GLCCI1: variants seen among roughly 807,000 people sequenced by gnomAD.
The protein encoded by GLCCI1 is glucocorticoid-induced transcript 1 protein.
A neutral mutation model predicts 52.2 loss-of-function variants in GLCCI1; 24 were observed. The observed-to-expected ratio is 0.46, with a 90% CI of 0.33 to 0.65. GLCCI1 has a LOEUF of 0.65. GLCCI1 is among the 30% of genes least tolerant of loss of function. GLCCI1 has a pLI of 0.02. For missense variants in GLCCI1, 704 were observed against 701.5 expected, an observed-to-expected ratio of 1.00 and a Z score of -0.04; for synonymous variants, 310 against 276.5, an observed-to-expected ratio of 1.12 and a Z score of -1.20.
chr7:7,974,605 A>G (rs950458697), intron 1 of GLCCI1, among the ~76,000 whole-genome samples: 1 of 152,222 alleles, frequency 6.6e-6, no homozygotes, highest in Non-Finnish European at 1.5e-5. Context: ...ACTGGGCTCC[A>G]CAGCAGTGAG....
chr7:7,997,694 G>T (rs879635520), intron 1 of GLCCI1, among the ~76,000 whole-genome samples: 10 of 152,000 alleles, frequency 6.6e-5, no homozygotes, highest in Admixed American at 1.3e-4. Context: ...TTGGGAGGCC[G>T]AGGCAGGCAG....
chr7:8,020,227 C>G (rs895191074), intron 2 of GLCCI1, among the ~76,000 whole-genome samples: 4 of 151,724 alleles, frequency 2.6e-5, no homozygotes, highest in Admixed American at 1.3e-4. Context: ...TAGCCTAGGC[C>G]CACACAAGAT....
chr7:8,043,167 A>G (rs1389540620), intron 3 of GLCCI1, among the ~76,000 whole-genome samples: 1 of 152,260 alleles, frequency 6.6e-6, no homozygotes, highest in Non-Finnish European at 1.5e-5. Flanking sequence ...CTACTATTGC[A>G]CACTTACTAG....
intron 3 of GLCCI1, among the ~76,000 whole-genome samples, chr7:8,031,515 T>C (rs1029558611): frequency 6.6e-6 from 1 of 152,078 alleles, no homozygotes; most frequent in Non-Finnish European, 1.5e-5. Flanking sequence ...TCAGTAATAA[T>C]TCATTATTCG....
chr7:8,029,643 A>G (rs1007419341), intron 3 of GLCCI1, among the ~76,000 whole-genome samples: 5 of 152,188 alleles, frequency 3.3e-5, no homozygotes, highest in Admixed American at 6.5e-5. Context: ...TGTAGATGAT[A>G]TAATCTTATA....
intron 3 of GLCCI1, among the ~76,000 whole-genome samples, chr7:8,028,115 A>G (rs1329057388): frequency 1.3e-5 from 2 of 152,240 alleles, no homozygotes; most frequent in Admixed American, 1.3e-4. Flanking sequence ...AATGGACCTA[A>G]TAGATATTTA....
chr7:7,969,322 C>T lies in GLCCI1; in HGVS notation c.-29C>T. 1 of 1,424,972 alleles carries T rather than the reference C, an allele frequency of 7.0e-7. No homozygotes were observed. The highest frequency in any genetic ancestry group is 9.2e-7 in the Non-Finnish European group (1 of 1,085,578). The allele number at this position is 1,424,972 out of a possible 1,614,324, so 88.3% of individuals were successfully genotyped here. ...TCCCGCCCCGCGCCTCCGTGTCGGC[C>T]GGCGGCGTCCAGGGCCCGCAGAGCC... On this transcript the variant is annotated 5_prime_UTR_variant, in exon 1 of 8. Transcript: ENST00000223145. The surrounding 1 kb of genome is among the most constrained non-coding windows in gnomAD (Gnocchi z 4.9).
At chr7:7,998,288 C>T (rs62433385) in intron 1 of GLCCI1, among the ~76,000 whole-genome samples, 7,229 of 151,932 alleles carry the variant, frequency 0.048, 298 homozygotes, top group East Asian at 0.19. Context: ...GTGATCTTGG[C>T]TCACTGAAAC....
intron 2 of GLCCI1, among the ~76,000 whole-genome samples, chr7:8,019,305 T>C (rs1203966672): frequency 1.3e-5 from 2 of 152,186 alleles, no homozygotes; most frequent in African/African-American, 2.4e-5. Context: ...TTTTATTAGG[T>C]CCTCATTAAT....
intron 1 of GLCCI1, among the ~76,000 whole-genome samples, chr7:7,993,907 A>C (rs1259040858): frequency 6.6e-6 from 1 of 152,238 alleles, no homozygotes; most frequent in Non-Finnish European, 1.5e-5. Flanking sequence ...TGACTTAGGT[A>C]TGATGGGTTT....
At chr7:7,973,857 T>C (rs1451242272) in intron 1 of GLCCI1, among the ~76,000 whole-genome samples, 1 of 152,108 alleles carries the variant, frequency 6.6e-6, no homozygotes, top group Non-Finnish European at 1.5e-5. Flanking sequence ...TAAATTTATC[T>C]TTTTAAGTCA....
intron 2 of GLCCI1, among the ~76,000 whole-genome samples, chr7:8,011,894 C>T (rs765413982): frequency 6.6e-6 from 1 of 152,024 alleles, no homozygotes; most frequent in Non-Finnish European, 1.5e-5. Context: ...TGGCTCACTG[C>T]AAGCTCTGCC....
At chr7:8,062,836 A>G (rs1245797768) in intron 5 of GLCCI1, among the ~76,000 whole-genome samples, 2 of 152,188 alleles carry the variant, frequency 1.3e-5, no homozygotes, top group Non-Finnish European at 2.9e-5. Flanking sequence ...TCCATGGTAT[A>G]TATGTACCAC....
chr7:8,055,452 A>G lies in GLCCI1; in HGVS notation c.716A>G (p.Gln239Arg). 6.2e-7 allele frequency: 1 copy of G among 1,613,478 alleles called. No homozygotes were observed. Among genetic ancestry groups the G allele is most frequent in the East Asian group, 2.2e-5 (1 of 44,862 alleles). ...CCAAAGCAGATCGCCAAACTGAGGC[A>G]GCAACTACAACGCAGTAAACAGAGT... Reference protein sequence around the residue: ...QLKEQIAKLRQQLQRSKQSSR... With the variant: ...QLKEQIAKLRRQLQRSKQSSR... Residue 239 changes from glutamine to arginine, a missense_variant, in exon 4 of 8, where the codon CAG (glutamine) becomes CGG (arginine). Gln to Arg is a conservative substitution (Grantham distance 43). Coordinates refer to ENST00000223145, the MANE Select transcript of GLCCI1 (RefSeq NM_138426.4).
At chr7:7,975,647 T>C (rs115964218) in intron 1 of GLCCI1, among the ~76,000 whole-genome samples, 2,023 of 152,288 alleles carry the variant, frequency 0.013, 43 homozygotes, top group African/African-American at 0.046. Context: ...TGGGGTATGG[T>C]CTGACATTTT....
intron 3 of GLCCI1, among the ~76,000 whole-genome samples, chr7:8,025,138 T>G (rs1413779444): frequency 6.6e-6 from 1 of 152,014 alleles, no homozygotes; most frequent in Non-Finnish European, 1.5e-5. Flanking sequence ...ATATCCCAGG[T>G]TGAGTGGAGG....
chr7:8,003,655 G>A (rs577127116), intron 1 of GLCCI1, among the ~76,000 whole-genome samples: 18 of 152,062 alleles, frequency 1.2e-4, no homozygotes, highest in Non-Finnish European at 2.1e-4. Flanking sequence ...GAGATGATAT[G>A]CAGATTTATA....
chr7:7,969,301 G>T lies in GLCCI1; in HGVS notation c.-50G>T, dbSNP rs1460420672. The T allele has an allele frequency of 8.3e-7, 1 of 1,205,284 alleles. No homozygotes were observed. The allele number at this position is 1,205,284 out of a possible 1,614,324, so 74.7% of individuals were successfully genotyped here. A position where few individuals can be genotyped will look rare whatever the true frequency, so the allele number is the denominator to read the frequency against. On this transcript the variant is annotated 5_prime_UTR_variant, in exon 1 of 8. Transcript: ENST00000223145. The surrounding 1 kb of genome is among the most constrained non-coding windows in gnomAD (Gnocchi z 4.9). The stretch of plus-strand genomic sequence containing the variant: ...GCTCCCACACGCTCGCGCGCCTCCC[G>T]CCCCGCGCCTCCGTGTCGGCCGGCG...
chr7:8,079,804 G>A (rs1782958891), intron 6 of GLCCI1, among the ~76,000 whole-genome samples: 1 of 151,390 alleles, frequency 6.6e-6, no homozygotes, highest in Non-Finnish European at 1.5e-5. Context: ...TGTAAGTTGA[G>A]TCCCGGTTAT....
Sources: allele counts gnomAD v4.1 joint callset (sites outside exome capture counted in the v4.1 genomes callset), GRCh38; gene constraint gnomAD v4.1.1; non-coding constraint Gnocchi (gnomAD v3.1); transcripts MANE v1.5; gene names NCBI Gene and HGNC (gene_info 2026-07-23, HGNC 2026-07-21).